The following TNIK variants were observed in gnomAD, a reference collection of about 807,000 sequenced individuals.
The protein encoded by TNIK is TRAF2 and NCK interacting kinase.
Under a neutral mutation model 191.3 loss-of-function variants are expected in TNIK, and 49 were observed. The observed-to-expected ratio is 0.26, with a 90% CI of 0.20 to 0.32. The LOEUF is 0.32. Ranked by LOEUF, TNIK falls within the 10% of genes least tolerant of loss-of-function variation. The probability of loss-of-function intolerance (pLI) is 1.00; values close to 1 mark genes in which losing one functional copy is unlikely to be tolerated. For missense variants in TNIK, 1,155 were observed against 1,702.3 expected, an observed-to-expected ratio of 0.68 and a Z score of 5.66; for synonymous variants, 594 against 600.9, an observed-to-expected ratio of 0.99 and a Z score of 0.17.
At chr3:171,298,266 A>C (rs545497516) in intron 2 of TNIK, among the ~76,000 whole-genome samples, 1 of 152,292 alleles carries the variant, frequency 6.6e-6, no homozygotes, top group East Asian at 1.9e-4. Context: ...CCTTCCCCCA[A>C]ACCTTTTTCT....
intron 1 of TNIK, among the ~76,000 whole-genome samples, chr3:171,441,214 G>T (rs1726759403): frequency 6.6e-6 from 1 of 152,004 alleles, no homozygotes; most frequent in Middle Eastern, 3.2e-3. Context: ...CTTTATTGAG[G>T]TACTTACATA....
intron 1 of TNIK, among the ~76,000 whole-genome samples, chr3:171,378,930 T>A (rs1717632158): frequency 6.6e-6 from 1 of 152,170 alleles, no homozygotes; most frequent in African/African-American, 2.4e-5. Flanking sequence ...ATTTCACCCT[T>A]TAGTAAACCG....
At chr3:171,110,647 C>G (rs1437005973) in intron 19 of TNIK, 67 bp downstream of exon 19, 1 of 1,495,250 alleles carries the variant, frequency 6.7e-7, no homozygotes, top group Non-Finnish European at 8.9e-7. Context: ...AAGTAACTAA[C>G]CTTTTTCCCT....
chr3:171,137,980 A>C (rs1011769608), intron 15 of TNIK, among the ~76,000 whole-genome samples: 11 of 120,380 alleles, frequency 9.1e-5, no homozygotes, highest in South Asian at 2.4e-4. Flanking sequence ...AAAAAAAAAA[A>C]AAAACAAAAA....
chr3:171,065,694 C>G (rs1173378027), intron 32 of TNIK, among the ~76,000 whole-genome samples: 1 of 152,164 alleles, frequency 6.6e-6, no homozygotes, highest in Non-Finnish European at 1.5e-5. Context: ...CAAGACATGG[C>G]ACTAGTTGAG....
At chr3:171,204,803 T>C (rs1739858707) in intron 4 of TNIK, among the ~76,000 whole-genome samples, 1 of 152,150 alleles carries the variant, frequency 6.6e-6, no homozygotes, top group South Asian at 2.1e-4. Context: ...GCTTCTGATA[T>C]CAGAACTATT....
intron 1 of TNIK, among the ~76,000 whole-genome samples, chr3:171,402,392 T>G (rs1357162155): frequency 1.3e-5 from 2 of 152,224 alleles, no homozygotes; most frequent in Non-Finnish European, 2.9e-5. Flanking sequence ...AAAAATGTAT[T>G]CGGTGTCCAA....
chr3:171,332,315 G>T (rs551941956), intron 2 of TNIK, among the ~76,000 whole-genome samples: 1 of 152,170 alleles, frequency 6.6e-6, no homozygotes, highest in East Asian at 1.9e-4. Context: ...ACTGTTTTTG[G>T]CTATTGGAAT....
At chr3:171,429,636 A>G (rs1005110451) in intron 1 of TNIK, among the ~76,000 whole-genome samples, 1 of 152,152 alleles carries the variant, frequency 6.6e-6, no homozygotes, top group Non-Finnish European at 1.5e-5. Context: ...CTTATTCCCT[A>G]ATACAGCAAG....
At chr3:171,368,044 C>T (rs990395420) in intron 2 of TNIK, among the ~76,000 whole-genome samples, 22 of 152,030 alleles carry the variant, frequency 1.4e-4, no homozygotes, top group African/African-American at 5.3e-4. Flanking sequence ...GACCTCTTGC[C>T]ATTTGTTTCC....
chr3:171,225,684 T>G (rs756889875), intron 3 of TNIK: 1 of 453,170 alleles, frequency 2.2e-6, no homozygotes, highest in South Asian at 1.6e-5. Context: ...GTGTAACTTT[T>G]AATTCCAAGC....
chr3:171,152,400 T>C (rs542108246), intron 12 of TNIK, among the ~76,000 whole-genome samples: 10 of 152,132 alleles, frequency 6.6e-5, no homozygotes, highest in African/African-American at 2.2e-4. Flanking sequence ...AAGCATAAGG[T>C]GGGTCTCATT....
intron 9 of TNIK, 67 bp from the exon 10 acceptor site, chr3:171,167,337 C>A: frequency 6.4e-7 from 1 of 1,566,216 alleles, no homozygotes. Flanking sequence ...TGTGTAATTT[C>A]TGAAATGCTG....
chr3:171,202,762 C>G (rs1351823342), intron 4 of TNIK, among the ~76,000 whole-genome samples: 1 of 152,196 alleles, frequency 6.6e-6, no homozygotes, highest in Non-Finnish European at 1.5e-5. Context: ...ATCTACGTAA[C>G]TTACCTTGTG....
At chr3:171,204,944 G>A (rs911313982) in intron 4 of TNIK, among the ~76,000 whole-genome samples, 1 of 152,126 alleles carries the variant, frequency 6.6e-6, no homozygotes, top group Admixed American at 6.5e-5. Flanking sequence ...TGGACTCTCT[G>A]AGCCTAGTTT....
intron 7 of TNIK, among the ~76,000 whole-genome samples, chr3:171,185,676 C>T (rs1737274725): frequency 6.6e-6 from 1 of 152,172 alleles, no homozygotes; most frequent in African/African-American, 2.4e-5. Context: ...CAAAACCAGA[C>T]TCTGCAATAA....
chr3:171,161,102 G>A (rs945179815), intron 11 of TNIK, among the ~76,000 whole-genome samples, 168 bp downstream of exon 11: 1 of 152,130 alleles, frequency 6.6e-6, no homozygotes, highest in South Asian at 2.1e-4. Flanking sequence ...GTAATGGTCT[G>A]CCTAGGGAAA....
intron 10 of TNIK, among the ~76,000 whole-genome samples, chr3:171,162,402 T>G (rs1309540716): frequency 6.6e-6 from 1 of 152,150 alleles, no homozygotes; most frequent in Non-Finnish European, 1.5e-5. Flanking sequence ...CAAGCCTGGG[T>G]GATAGAGTGA....
intron 12 of TNIK, among the ~76,000 whole-genome samples, chr3:171,143,783 G>A (rs1731171317): frequency 6.6e-6 from 1 of 152,208 alleles, no homozygotes; most frequent in African/African-American, 2.4e-5. Flanking sequence ...AGTAATAGAA[G>A]AGGGGAGAGC....
Sources: gnomAD v4.1 joint callset for allele counts (sites outside exome capture counted in the v4.1 genomes callset) on GRCh38, gnomAD v4.1.1 for gene constraint, MANE v1.5 for transcripts, NCBI Gene and HGNC (gene_info 2026-07-23, HGNC 2026-07-21) for gene names.